The following CAMK1D variants were observed in gnomAD, a reference collection of about 807,000 sequenced individuals.
The protein encoded by CAMK1D is calcium/calmodulin-dependent protein kinase type 1D.
Under a neutral mutation model 47.7 loss-of-function variants are expected in CAMK1D, and 9 were observed. That is an observed-to-expected ratio of 0.19 (90% CI 0.11 to 0.33). The LOEUF is 0.33. Among genes scored for constraint, CAMK1D ranks in the 10% least tolerant of loss-of-function variants. The probability of loss-of-function intolerance (pLI) is 1.00; values close to 1 mark genes in which losing one functional copy is unlikely to be tolerated. For missense variants in CAMK1D, 291 were observed against 488.7 expected (o/e 0.60, Z 3.81); for synonymous variants, 184 against 184.9 (o/e 0.99, Z 0.04).
intron 1 of CAMK1D, among the ~76,000 whole-genome samples, chr10:12,427,698 C>CCGTTT (rs1840280898): frequency 3.7e-5 from 1 of 27,366 alleles, no homozygotes; most frequent in African/African-American, 1.1e-4. Flanking sequence ...ACTGAACTTA[C>CCGTTT]TGTTTTTTTT....
At chr10:12,520,072 C>T (rs1835355484) in intron 1 of CAMK1D, among the ~76,000 whole-genome samples, 1 of 75,516 alleles carries the variant, frequency 1.3e-5, no homozygotes, top group African/African-American at 5.3e-5. Flanking sequence ...GGGGGCTGAC[C>T]CCCCCCCACC....
chr10:12,815,572 T>C (rs1421722661), intron 7 of CAMK1D, among the ~76,000 whole-genome samples: 1 of 152,256 alleles, frequency 6.6e-6, no homozygotes, highest in African/African-American at 2.4e-5. Context: ...CCTTTGGGCA[T>C]TGAGGGGCCG....
rs1209799179 is a variant in CAMK1D, at chr10:12,814,255, C to T, written c.702C>T (p.Leu234=). ...ENDSKLFEQI[L]KAEYEFDSPY... ...ACTCCAAGCTCTTTGAGCAGATCCT[C>T]AAGGCGGAATATGAGTTTGACTCTC... The change falls in exon 7 of 11, where the codon CTC becomes CTT. Residue 234 remains leucine (L), a synonymous_variant. Transcript: ENST00000619168. 6.2e-7 allele frequency: 1 copy of T among 1,614,062 alleles called. No individual in the cohort carries two copies. The highest frequency in any genetic ancestry group is 8.5e-7 in the Non-Finnish European group (1 of 1,179,934).
At chr10:12,818,343 C>T (rs528348992) in intron 8 of CAMK1D, among the ~76,000 whole-genome samples, 61 of 152,004 alleles carry the variant, frequency 4.0e-4, no homozygotes, top group Non-Finnish European at 6.5e-4. Flanking sequence ...TTATAATAAC[C>T]CTGTGAAGTT....
chr10:12,556,148 T>A (rs191721722), intron 2 of CAMK1D, among the ~76,000 whole-genome samples: 158 of 152,284 alleles, frequency 1.0e-3, no homozygotes, highest in South Asian at 2.7e-3. Context: ...TGACTTTTTT[T>A]TTTGGTCCTC....
intron 1 of CAMK1D, among the ~76,000 whole-genome samples, chr10:12,547,536 C>G (rs545848538): frequency 9.2e-4 from 140 of 152,102 alleles, no homozygotes; most frequent in African/African-American, 3.2e-3. Flanking sequence ...TCTGTCCCTG[C>G]TTTTGTTCTT....
intron 5 of CAMK1D, among the ~76,000 whole-genome samples, chr10:12,773,035 C>T (rs1020505654): frequency 6.6e-6 from 1 of 152,184 alleles, no homozygotes; most frequent in Non-Finnish European, 1.5e-5. Flanking sequence ...TTTCCTGTCA[C>T]CTTGTCCTCT....
At chr10:12,828,713 G>A (rs1833348975) in intron 10 of CAMK1D, 56 bp from the exon 11 acceptor site, 12 of 1,433,670 alleles carry the variant, frequency 8.4e-6, no homozygotes, top group Middle Eastern at 3.6e-4. Context: ...GCAGTGGGAA[G>A]CAGGGTGAGA....
chr10:12,675,491 A>C (rs892826538), intron 3 of CAMK1D, among the ~76,000 whole-genome samples: 2 of 152,134 alleles, frequency 1.3e-5, no homozygotes, highest in African/African-American at 4.8e-5. Flanking sequence ...GTCATCCTTG[A>C]CTTATCCTTT....
intron 1 of CAMK1D, among the ~76,000 whole-genome samples, chr10:12,535,518 A>G (rs1379377401): frequency 6.6e-6 from 1 of 152,160 alleles, no homozygotes; most frequent in Non-Finnish European, 1.5e-5. Flanking sequence ...TGGAGCCAGG[A>G]GTTAAGTAAA....
intron 2 of CAMK1D, among the ~76,000 whole-genome samples, chr10:12,598,936 T>G (rs1253772464): frequency 6.6e-6 from 1 of 151,910 alleles, no homozygotes; most frequent in Non-Finnish European, 1.5e-5. Context: ...GGGTGGGAGG[T>G]GAGTAGGGAA....
At chr10:12,820,239 C>T (rs1832967612) in intron 8 of CAMK1D, among the ~76,000 whole-genome samples, 1 of 152,188 alleles carries the variant, frequency 6.6e-6, no homozygotes, top group Non-Finnish European at 1.5e-5. Context: ...GGGGTTTCAC[C>T]ATGTTGGCCA....
chr10:12,633,853 A>G (rs2132471681), intron 2 of CAMK1D, among the ~76,000 whole-genome samples: 1 of 152,264 alleles, frequency 6.6e-6, no homozygotes, highest in Middle Eastern at 3.4e-3. Flanking sequence ...CAACTTTCCC[A>G]GCCAGGAGTT....
intron 5 of CAMK1D, among the ~76,000 whole-genome samples, chr10:12,770,559 G>C (rs952849687): frequency 6.6e-6 from 1 of 152,240 alleles, no homozygotes; most frequent in African/African-American, 2.4e-5. Flanking sequence ...GGTTAAGGCA[G>C]TGAATGACAC....
intron 2 of CAMK1D, among the ~76,000 whole-genome samples, chr10:12,598,609 C>T (rs543400502): frequency 6.6e-6 from 1 of 152,232 alleles, no homozygotes; most frequent in East Asian, 1.9e-4. Context: ...TTCAGTCTGA[C>T]AAGATGCTTG....
intron 2 of CAMK1D, among the ~76,000 whole-genome samples, chr10:12,560,745 C>T (rs1836914155): frequency 6.6e-6 from 1 of 151,806 alleles, no homozygotes; most frequent in Non-Finnish European, 1.5e-5. Flanking sequence ...AGAGAGAGCT[C>T]CTCTCTGGAA....
At chr10:12,559,086 T>C (rs1190571673) in intron 2 of CAMK1D, among the ~76,000 whole-genome samples, 3 of 152,020 alleles carry the variant, frequency 2.0e-5, no homozygotes, top group Non-Finnish European at 2.9e-5. Flanking sequence ...GGCAGGAGGA[T>C]TGTCTGAGGC....
At chr10:12,696,211 G>T (rs1178084015) in intron 3 of CAMK1D, among the ~76,000 whole-genome samples, 2 of 152,058 alleles carry the variant, frequency 1.3e-5, no homozygotes, top group Non-Finnish European at 2.9e-5. Flanking sequence ...TTGTCCTGGG[G>T]TGGGAAAAAA....
intron 1 of CAMK1D, among the ~76,000 whole-genome samples, chr10:12,489,776 T>G (rs965188602): frequency 6.6e-6 from 1 of 152,204 alleles, no homozygotes; most frequent in African/African-American, 2.4e-5. Flanking sequence ...TTCTGAGCTG[T>G]TATCTGCAAC....
Sources: allele counts gnomAD v4.1 joint callset (sites outside exome capture counted in the v4.1 genomes callset), GRCh38; gene constraint gnomAD v4.1.1; transcripts MANE v1.5; gene names NCBI Gene and HGNC (gene_info 2026-07-23, HGNC 2026-07-21).